The following PLD5 variants were observed in gnomAD, a reference collection of about 807,000 sequenced individuals.
PLD5 encodes the protein phospholipase D family member 5, also known as inactive phospholipase D5.
Under a neutral mutation model 61.1 loss-of-function variants are expected in PLD5, and 36 were observed. The ratio of observed to expected loss-of-function variants is 0.59; its 90% CI spans 0.45 to 0.78. PLD5 has a LOEUF of 0.78. Ranked by LOEUF, PLD5 falls within the 30% of genes least tolerant of loss-of-function variation. The pLI, the probability that PLD5 is intolerant of heterozygous loss-of-function variation, is 0.00. For missense variants in PLD5, 515 were observed against 644.4 expected, an observed-to-expected ratio of 0.80 and a Z score of 2.17; for synonymous variants, 243 against 242.8, an observed-to-expected ratio of 1.00 and a Z score of -0.01.
At chr1:242,265,540 T>C in intron 3 of PLD5, 92 bp from the exon 4 acceptor site, 1 of 1,092,826 alleles carries the variant, frequency 9.2e-7, no homozygotes, top group Non-Finnish European at 1.3e-6. Flanking sequence ...AATTAATCTA[T>C]TCGTTCAAAT....
chr1:242,141,187 C>A (rs762792961), intron 5 of PLD5, among the ~76,000 whole-genome samples: 7 of 152,182 alleles, frequency 4.6e-5, no homozygotes, highest in Non-Finnish European at 1.0e-4. Flanking sequence ...AGACGCAACA[C>A]AGCCTAAGTT....
intron 1 of PLD5, among the ~76,000 whole-genome samples, chr1:242,384,461 A>G (rs1394712816): frequency 6.6e-6 from 1 of 152,212 alleles, no homozygotes; most frequent in Non-Finnish European, 1.5e-5. Flanking sequence ...TTCGTGTCCA[A>G]AAATTTCTGC....
chr1:242,333,782 T>C (rs1440019899), intron 2 of PLD5, among the ~76,000 whole-genome samples: 1 of 152,182 alleles, frequency 6.6e-6, no homozygotes. Context: ...TTATTTAACA[T>C]AATGACCTCC....
At chr1:242,367,283 G>GA (rs1205231776) in intron 1 of PLD5, among the ~76,000 whole-genome samples, 1 of 152,086 alleles carries the variant, frequency 6.6e-6, no homozygotes, top group African/African-American at 2.4e-5. Context: ...GACACACATA[G>GA]AAAAATTCAA....
chr1:242,511,660 G>A (rs1175351700), intron 1 of PLD5, among the ~76,000 whole-genome samples: 3 of 151,998 alleles, frequency 2.0e-5, no homozygotes, highest in Non-Finnish European at 2.9e-5. Flanking sequence ...CCTTTAAACC[G>A]TCAAGGTGGT....
At chr1:242,413,297 G>C (rs189657356) in intron 1 of PLD5, among the ~76,000 whole-genome samples, 3 of 150,228 alleles carry the variant, frequency 2.0e-5, no homozygotes, top group Non-Finnish European at 3.0e-5. Context: ...ACCCTTTGTC[G>C]TCATGATCTC....
intron 2 of PLD5, among the ~76,000 whole-genome samples, chr1:242,294,700 AGAG>A: frequency 6.6e-6 from 1 of 152,348 alleles, no homozygotes; most frequent in Non-Finnish European, 1.5e-5. Flanking sequence ...TACAAAGATT[AGAG>A]GAGGGAATCT....
chr1:242,231,912 A>C (rs1671329331), intron 4 of PLD5, among the ~76,000 whole-genome samples: 4 of 151,482 alleles, frequency 2.6e-5, no homozygotes, highest in African/African-American at 9.7e-5. Context: ...TCTCAGAGGG[A>C]GTAAAAGGGA....
intron 1 of PLD5, among the ~76,000 whole-genome samples, chr1:242,494,083 G>C (rs2809981): frequency 0.59 from 59,145 of 99,470 alleles, 15,850 homozygotes; most frequent in East Asian, 0.69. Flanking sequence ...CCCCTCCCCT[G>C]CCCTCCCTTC....
intron 4 of PLD5, among the ~76,000 whole-genome samples, chr1:242,257,081 T>TATCTATCTATCA (rs1307452591): frequency 6.6e-6 from 1 of 150,640 alleles, no homozygotes; most frequent in Non-Finnish European, 1.5e-5. Context: ...TCTATCTATC[T>TATCTATCTATCA]ATCATTTATC....
At chr1:242,328,243 A>T (rs1456687458) in intron 2 of PLD5, among the ~76,000 whole-genome samples, 1 of 152,048 alleles carries the variant, frequency 6.6e-6, no homozygotes, top group Non-Finnish European at 1.5e-5. Context: ...CTAGATTATC[A>T]AGATGAACAT....
rs114240503 is a variant in PLD5, at chr1:242,413,048, G to A, written c.190-64806C>T. Among the ~76,000 whole-genome samples, 553 of 152,152 alleles carry A rather than the reference G, an allele frequency of 3.6e-3. 5 individuals carry two copies. Among genetic ancestry groups the A allele is most frequent in the African/African-American group, 0.013 (533 of 41,510 alleles). ...TTCTCACTGGGGTTTCTGAACTGTC[G>A]TTTTGGAAACCTCCAGTGATATGAG... On this transcript the variant is annotated intron_variant, in intron 1 of 9. Coordinates refer to ENST00000536534, the MANE Select transcript of PLD5 (RefSeq NM_001372062.1).
intron 7 of PLD5, among the ~76,000 whole-genome samples, chr1:242,112,346 T>C (rs796370936): frequency 1.1e-4 from 16 of 150,500 alleles, no homozygotes; most frequent in African/African-American, 3.7e-4. Context: ...TGTGTATATA[T>C]ATATATAGAT....
At chr1:242,485,558 T>C (rs1279111768) in intron 1 of PLD5, among the ~76,000 whole-genome samples, 1 of 151,910 alleles carries the variant, frequency 6.6e-6, no homozygotes, top group Non-Finnish European at 1.5e-5. Context: ...AACAATGAAA[T>C]AAAAGAGGAT....
intron 5 of PLD5, among the ~76,000 whole-genome samples, chr1:242,203,263 C>T (rs943280902): frequency 6.6e-5 from 10 of 152,202 alleles, no homozygotes; most frequent in Non-Finnish European, 1.5e-4. Context: ...CCTACGGCTT[C>T]CCCATCCCAC....
chr1:242,355,704 ATT>A (rs1310612055), intron 1 of PLD5, among the ~76,000 whole-genome samples: 1 of 151,488 alleles, frequency 6.6e-6, no homozygotes, highest in African/African-American at 2.4e-5. Flanking sequence ...TATTTGAAAT[ATT>A]TTTTCTTTTT....
intron 1 of PLD5, among the ~76,000 whole-genome samples, chr1:242,487,026 A>G (rs1441517844): frequency 2.0e-5 from 3 of 151,908 alleles, no homozygotes; most frequent in Admixed American, 6.6e-5. Flanking sequence ...ACACATGGAC[A>G]CCGGAAGGGG....
At chr1:242,398,149 A>C (rs748812413) in intron 1 of PLD5, among the ~76,000 whole-genome samples, 1 of 152,230 alleles carries the variant, frequency 6.6e-6, no homozygotes, top group Non-Finnish European at 1.5e-5. Flanking sequence ...AGGGGAGGTC[A>C]GAAAGATCAG....
chr1:242,387,886 A>G (rs1315246445), intron 1 of PLD5, among the ~76,000 whole-genome samples: 1 of 152,194 alleles, frequency 6.6e-6, no homozygotes, highest in Non-Finnish European at 1.5e-5. Flanking sequence ...TGTAGTTGAC[A>G]GAGACTGAAA....
Sources: gnomAD v4.1 joint callset for allele counts (sites outside exome capture counted in the v4.1 genomes callset) on GRCh38, gnomAD v4.1.1 for gene constraint, MANE v1.5 for transcripts, NCBI Gene and HGNC (gene_info 2026-07-23, HGNC 2026-07-21) for gene names.